DNAJC11: variants seen among roughly 807,000 people sequenced by gnomAD.
The protein encoded by DNAJC11 is DnaJ heat shock protein family (Hsp40) member C11.
DNAJC11 carries 15 observed loss-of-function variants against 78.6 expected under a neutral mutation model. The observed-to-expected ratio is 0.19, with a 90% CI of 0.13 to 0.29. The LOEUF (loss-of-function observed/expected upper bound fraction) is 0.29. Among genes scored for constraint, DNAJC11 ranks in the 10% least tolerant of loss-of-function variants. The pLI, the probability that DNAJC11 is intolerant of heterozygous loss-of-function variation, is 1.00. For synonymous variants in DNAJC11, 292 were observed against 272.1 expected, an observed-to-expected ratio of 1.07 and a Z score of -0.72; for missense variants, 547 against 709.6, an observed-to-expected ratio of 0.77 and a Z score of 2.60.
intron 3 of DNAJC11, among the ~76,000 whole-genome samples, chr1:6,671,739 A>T (rs1166747269): frequency 6.6e-6 from 1 of 151,288 alleles, no homozygotes; most frequent in African/African-American, 2.4e-5. Flanking sequence ...TCACAGTATT[A>T]GCCAGGATGG....
intron 1 of DNAJC11, among the ~76,000 whole-genome samples, chr1:6,700,866 C>A (rs1366881481): frequency 6.6e-6 from 1 of 152,146 alleles, no homozygotes; most frequent in African/African-American, 2.4e-5. Flanking sequence ...CTGGACCCAT[C>A]GGCTTAAAGA....
In DNAJC11 at chr1:6,653,161, T is replaced by C. The variant is rs1642081502; in HGVS notation, c.508-210A>G. Among the ~76,000 whole-genome samples the C allele has an allele frequency of 6.6e-6, 1 of 152,204 alleles. No homozygotes were observed. The highest frequency in any genetic ancestry group is 1.5e-5 in the Non-Finnish European group (1 of 68,034). On this transcript the variant is annotated intron_variant, in intron 5 of 15. Coordinates refer to ENST00000377577, the MANE Select transcript of DNAJC11 (RefSeq NM_018198.4). The surrounding 1 kb of genome is among the most constrained non-coding windows in gnomAD (Gnocchi z 4.5). ...ATGTGACCACGAGGGTAATATGCTT[T>C]GCAAAAGCTTTAATGGGCACATTTC...
At chr1:6,682,124 A>G (rs1297415504) in intron 1 of DNAJC11, among the ~76,000 whole-genome samples, 2 of 134,898 alleles carry the variant, frequency 1.5e-5, no homozygotes, top group African/African-American at 5.5e-5. Context: ...TCAAAGAAAG[A>G]GGTCACAGAG....
At chr1:6,689,503 A>AG (rs2147883881) in intron 1 of DNAJC11, among the ~76,000 whole-genome samples, 1 of 152,274 alleles carries the variant, frequency 6.6e-6, no homozygotes, top group African/African-American at 2.4e-5. Context: ...GGTTGAAGCA[A>AG]GAGACTTAAA....
chr1:6,693,916 G>A (rs111535421), intron 1 of DNAJC11, among the ~76,000 whole-genome samples: 152 of 145,480 alleles, frequency 1.0e-3, no homozygotes, highest in African/African-American at 3.6e-3. Context: ...CTCTGCTCAC[G>A]GCAACCTCCA....
Position 6,636,160 on chromosome 1 carries a change from C to T in DNAJC11, c.1611G>A (p.Gln537=), listed in dbSNP as rs756182681. 2.2e-5 allele frequency: 35 copies of T among 1,614,064 alleles called. No homozygotes were observed. The highest frequency in any genetic ancestry group is 6.7e-5 in the Admixed American group (4 of 59,998). The change falls in exon 15 of 16, where the codon CAG becomes CAA. Residue 537 remains glutamine (Q), a synonymous_variant. Coordinates refer to ENST00000377577, the MANE Select transcript of DNAJC11 (RefSeq NM_018198.4). ...GGGCCTCACTGTCCAGCACCATCAC[C>T]TGATGCAGGACGCCCCGGAACTGAT... The part of the protein sequence containing the change: ...VLYQFRGVLH[Q]VMVLDSEALR...
chr1:6,660,580 T>G (rs1287009451), intron 4 of DNAJC11, among the ~76,000 whole-genome samples: 1 of 152,222 alleles, frequency 6.6e-6, no homozygotes, highest in African/African-American at 2.4e-5. Flanking sequence ...TCCTAAAGTG[T>G]CTGGCACATT....
rs1641740942 is a variant in DNAJC11 at position 6,635,322 on chromosome 1, A to AGAC, written c.*350_*352dup. On this transcript the variant is annotated 3_prime_UTR_variant, in exon 16 of 16. Transcript: ENST00000377577. ...CTGTGGTGAGGGCAGGGTGCTCCAC[A>AGAC]GACACCTCCAGACCCAGCCAAGAAC... 1 of 224,880 alleles carries AGAC rather than the reference A, an allele frequency of 4.4e-6. No homozygotes were observed. The highest frequency in any genetic ancestry group is 2.3e-5 in the African/African-American group (1 of 43,860). The allele number at this position is 224,880 out of a possible 1,614,324, so 13.9% of individuals were successfully genotyped here.
At position 6,637,181 on chromosome 1, in the gene DNAJC11, GGCTGGT is replaced by G. The variant is rs915694620; in HGVS notation, c.1524+11_1524+16del. 2.2e-5 allele frequency: 36 copies of G among 1,613,832 alleles called. No homozygotes were observed. The highest frequency in any genetic ancestry group is 3.1e-5 in the Non-Finnish European group (36 of 1,179,988). ...AATCTGTGAGCACATAGCATGTGGT[GGCTGGT>G]GCTGCTGTACCTTGGAGGCCTCCGT... On this transcript the variant is annotated intron_variant, in intron 14 of 15. Transcript: ENST00000377577.
intron 1 of DNAJC11, among the ~76,000 whole-genome samples, chr1:6,690,383 A>G (rs1478203393): frequency 6.6e-6 from 1 of 152,178 alleles, no homozygotes; most frequent in Non-Finnish European, 1.5e-5. Flanking sequence ...CAAAAGCTCT[A>G]CGACAGTAAA....
intron 4 of DNAJC11, among the ~76,000 whole-genome samples, chr1:6,665,759 G>C (rs1026034372): frequency 6.6e-6 from 1 of 152,050 alleles, no homozygotes; most frequent in Non-Finnish European, 1.5e-5. Context: ...ATGATAGTGA[G>C]GTTCTCTTTC....
intron 10 of DNAJC11, among the ~76,000 whole-genome samples, chr1:6,641,391 AT>A (rs201601120): frequency 0.028 from 3,586 of 127,846 alleles, 177 homozygotes; most frequent in African/African-American, 0.093. Context: ...AAAAAAAAAA[AT>A]ATATATATAT....
intron 3 of DNAJC11, among the ~76,000 whole-genome samples, chr1:6,672,204 G>T (rs188979540): frequency 6.6e-6 from 1 of 152,292 alleles, no homozygotes; most frequent in East Asian, 1.9e-4. Flanking sequence ...AGATTTTAAT[G>T]AAAGTTTGAT....
At position 6,634,536 on chromosome 1, in the gene DNAJC11, CCTGTGCGG is replaced by C; in HGVS notation, c.*1131_*1138del. The C allele has an allele frequency of 7.3e-7, 1 of 1,363,696 alleles. No homozygotes were observed. Among genetic ancestry groups the C allele is most frequent in the Non-Finnish European group, 9.8e-7 (1 of 1,021,196 alleles). The allele number at this position is 1,363,696 out of a possible 1,614,324, so 84.5% of individuals were successfully genotyped here. A position where few individuals can be genotyped will look rare whatever the true frequency, so the allele number is the denominator to read the frequency against. On this transcript the variant is annotated 3_prime_UTR_variant, in exon 16 of 16. Coordinates refer to ENST00000377577, the MANE Select transcript of DNAJC11 (RefSeq NM_018198.4). ...CCCGCGCCAGCTGTCTCAGCCACCA[CCTGTGCGG>C]CGCTTGCTCCGAGGGGTCAGCAAGA...
intron 1 of DNAJC11, 148 bp downstream of exon 1, chr1:6,701,581 C>T (rs534186406): frequency 6.8e-6 from 5 of 737,004 alleles, no homozygotes; most frequent in Admixed American, 4.4e-5. Flanking sequence ...CTCCATCGGG[C>T]GGCTGGCGTG....
chr1:6,701,610 C>CGGCCTCCCCGACGGACCCG, intron 1 of DNAJC11, 119 bp downstream of exon 1: 1 of 1,038,948 alleles, frequency 9.6e-7, no homozygotes, highest in Non-Finnish European at 1.3e-6. Context: ...CGGGGTCACG[C>CGGCCTCCCCGACGGACCCG]GGCCTCCCCG....
At chr1:6,701,554 C>G (rs1270367641) in intron 1 of DNAJC11, among the ~76,000 whole-genome samples, 175 bp downstream of exon 1, 1 of 151,874 alleles carries the variant, frequency 6.6e-6, no homozygotes, top group African/African-American at 2.4e-5. Context: ...GCGGGAGGGT[C>G]TGGGCGGTGG....
chr1:6,642,301 C>T (rs895319800), intron 10 of DNAJC11, among the ~76,000 whole-genome samples: 5 of 152,156 alleles, frequency 3.3e-5, no homozygotes, highest in African/African-American at 9.7e-5. Flanking sequence ...AAAGGACTCT[C>T]CTACGGAAAG....
chr1:6,694,022 G>C (rs768563063), intron 1 of DNAJC11, among the ~76,000 whole-genome samples: 29 of 151,806 alleles, frequency 1.9e-4, no homozygotes, highest in Admixed American at 3.3e-4. Context: ...TTTTAGTAGA[G>C]ATGGGGTTTC....
Sources: allele counts gnomAD v4.1 joint callset (sites outside exome capture counted in the v4.1 genomes callset), GRCh38; gene constraint gnomAD v4.1.1; non-coding constraint Gnocchi (gnomAD v3.1); transcripts MANE v1.5; gene names NCBI Gene and HGNC (gene_info 2026-07-23, HGNC 2026-07-21).